Variants in MYO9A observed in about 807,000 individuals in gnomAD.
MYO9A encodes unconventional myosin-IXa.
MYO9A carries 103 observed loss-of-function variants against 293.3 expected under a neutral mutation model. The observed-to-expected ratio is 0.35, with a 90% CI of 0.30 to 0.41. The LOEUF is 0.41. Ranked by LOEUF, MYO9A falls within the 10% of genes least tolerant of loss-of-function variation. The pLI, the probability that MYO9A is intolerant of heterozygous loss-of-function variation, is 1.00. For missense variants in MYO9A, 2,685 were observed against 3,033.0 expected (o/e 0.89, Z 2.69); for synonymous variants, 1,001 against 1,035.7 (o/e 0.97, Z 0.64).
At chr15:72,105,925 T>C (rs2080551163) in intron 1 of MYO9A, among the ~76,000 whole-genome samples, 1 of 152,166 alleles carries the variant, frequency 6.6e-6, no homozygotes, top group Non-Finnish European at 1.5e-5. Flanking sequence ...GGTACATCCG[T>C]ATAATAGAAT....
Position 71,854,384 on chromosome 15 carries a change from T to A in MYO9A, c.6339A>T (p.Leu2113=). 6.3e-7 allele frequency: 1 copy of A among 1,589,254 alleles called. No individual in the cohort carries two copies. The highest frequency in any genetic ancestry group is 8.5e-7 in the Non-Finnish European group (1 of 1,169,620). The change falls in exon 35 of 42, where the codon CTA becomes CTT. Residue 2113 remains leucine, a synonymous_variant. Coordinates refer to ENST00000356056, the MANE Select transcript of MYO9A (RefSeq NM_006901.4). Reference sequence around the variant, plus strand: ...TAGAGGGCACTATCTTACCTGTATCTAGACCCTGCCGAAGCTCCTTGATTT... The same window carrying A: ...TAGAGGGCACTATCTTACCTGTATCAAGACCCTGCCGAAGCTCCTTGATTT... ...TNKIKELRQG[L]DTDAESVNLD... is the part of the protein sequence containing the mutation.
intron 1 of MYO9A, among the ~76,000 whole-genome samples, chr15:72,087,910 T>C (rs1032716124): frequency 6.6e-6 from 1 of 152,180 alleles, no homozygotes; most frequent in Admixed American, 6.5e-5. Context: ...CAATCTGCAA[T>C]GTGAGTGTAT....
At chr15:71,828,148 C>G (rs1259357682) in intron 40 of MYO9A, 122 bp from the exon 41 acceptor site, 23 of 1,130,978 alleles carry the variant, frequency 2.0e-5, no homozygotes, top group Non-Finnish European at 2.9e-5. Flanking sequence ...TTTTACTGTC[C>G]CCATCCAGGT....
chr15:72,088,634 C>T (rs1224804879), intron 1 of MYO9A, among the ~76,000 whole-genome samples: 1 of 152,168 alleles, frequency 6.6e-6, no homozygotes, highest in Non-Finnish European at 1.5e-5. Flanking sequence ...CTTGCTAATA[C>T]TGACATTAGG....
chr15:71,867,812 A>T (rs964578630), intron 32 of MYO9A, among the ~76,000 whole-genome samples: 18 of 143,248 alleles, frequency 1.3e-4, no homozygotes, highest in African/African-American at 4.2e-4. Context: ...ACACACACAC[A>T]CACACACACA....
intron 1 of MYO9A, among the ~76,000 whole-genome samples, chr15:72,091,223 T>C (rs1462798167): frequency 6.6e-6 from 1 of 151,796 alleles, no homozygotes; most frequent in African/African-American, 2.4e-5. Context: ...TCAACTTTCA[T>C]ACCTATTTTA....
At position 71,898,297 on chromosome 15, in the gene MYO9A, A is replaced by G. The variant is rs760087515; in HGVS notation, c.4206T>C (p.Ile1402=). 1.9e-6 allele frequency: 3 copies of G among 1,614,108 alleles called. No individual in the cohort carries two copies. Among genetic ancestry groups the G allele is most frequent in the Non-Finnish European group, 2.5e-6 (3 of 1,180,032 alleles). The change falls in exon 25 of 42, where the codon ATT becomes ATC. Residue 1402 remains isoleucine (I), a synonymous_variant. Coordinates refer to ENST00000356056, the MANE Select transcript of MYO9A (RefSeq NM_006901.4). ...KEMVVCSSES[I]TCKPQLKDSF... is the part of the protein sequence containing the mutation. ...AGTCTTTCAGCTGTGGTTTACAGGT[A>G]ATAGACTCAGAACTGCAGACCACCA...
intron 15 of MYO9A, among the ~76,000 whole-genome samples, chr15:71,945,493 A>G (rs1257890889): frequency 6.6e-6 from 1 of 152,166 alleles, no homozygotes; most frequent in Admixed American, 6.5e-5. Context: ...AAAGCTTGTG[A>G]CATCTAGGAG....
At chr15:71,831,019 ATGACTTTC>A (rs1419538208) in intron 39 of MYO9A, among the ~76,000 whole-genome samples, 2 of 85,446 alleles carry the variant, frequency 2.3e-5, no homozygotes, top group Non-Finnish European at 4.5e-5. Flanking sequence ...TACTTTATAT[ATGACTTTC>A]TTCTGGTAGT....
At chr15:71,956,172 T>C (rs1312949324) in intron 14 of MYO9A, among the ~76,000 whole-genome samples, 1 of 150,974 alleles carries the variant, frequency 6.6e-6, no homozygotes, top group Non-Finnish European at 1.5e-5. Flanking sequence ...AGGCCAGGCA[T>C]GGTGGCATGT....
At chr15:72,072,245 C>T (rs1284924978) in intron 1 of MYO9A, among the ~76,000 whole-genome samples, 2 of 151,910 alleles carry the variant, frequency 1.3e-5, no homozygotes, top group Non-Finnish European at 2.9e-5. Context: ...CATTCTCCTG[C>T]CTCAGCCTCC....
At chr15:72,014,491 G>A (rs1236577455) in intron 6 of MYO9A, among the ~76,000 whole-genome samples, 1 of 152,150 alleles carries the variant, frequency 6.6e-6, no homozygotes, top group East Asian at 1.9e-4. Flanking sequence ...TTCAAGACCA[G>A]CCTGGCCAAC....
intron 37 of MYO9A, among the ~76,000 whole-genome samples, chr15:71,850,712 G>C (rs35696756): frequency 0.075 from 10,239 of 136,816 alleles, 682 homozygotes; most frequent in East Asian, 0.19. Flanking sequence ...GTTGCAGTGA[G>C]CTGAGATTGC....
At chr15:71,883,446 G>T (rs142702122) in intron 28 of MYO9A, 148 bp downstream of exon 28, 9 of 787,318 alleles carry the variant, frequency 1.1e-5, no homozygotes. Flanking sequence ...TTATTTTTTA[G>T]TTAAGGAAGG....
At chr15:72,045,683 A>T (rs1161508972) in intron 2 of MYO9A, 41 bp downstream of exon 2, 1 of 1,522,976 alleles carries the variant, frequency 6.6e-7, no homozygotes. Context: ...AAAGGATAAA[A>T]ATCAAAATTA....
intron 34 of MYO9A, among the ~76,000 whole-genome samples, chr15:71,859,221 G>A (rs2056007350): frequency 1.3e-5 from 2 of 152,142 alleles, no homozygotes; most frequent in Non-Finnish European, 2.9e-5. Context: ...ATCATACATC[G>A]ATAAAAGCCT....
chr15:71,938,475 G>C (rs1029889052), intron 16 of MYO9A, among the ~76,000 whole-genome samples: 2 of 152,058 alleles, frequency 1.3e-5, no homozygotes, highest in Admixed American at 1.3e-4. Context: ...GTATTGGATG[G>C]TTTGATGTAA....
chr15:71,827,039 T>C lies in MYO9A; in HGVS notation c.7188A>G (p.Arg2396=). Residue 2396 remains arginine, a synonymous_variant, in exon 42 of 42, where the codon AGA becomes AGG. Transcript: ENST00000356056. ...TCTTCAGGGAGCTAAGGGCTAAGCT[T>C]CTTTCTAATGCAAAAAAGAGACCAA... ...SEYAISEKSE[R]SLALSSLKTA... The C allele has an allele frequency of 6.4e-7, 1 of 1,563,202 alleles. No homozygotes were observed. Among genetic ancestry groups the C allele is most frequent in the Non-Finnish European group, 8.6e-7 (1 of 1,160,874 alleles).
At chr15:71,979,432 C>A (rs2076219175) in intron 11 of MYO9A, among the ~76,000 whole-genome samples, 1 of 151,968 alleles carries the variant, frequency 6.6e-6, no homozygotes, top group Non-Finnish European at 1.5e-5. Context: ...TTATCTCTTC[C>A]CAAGGACTAT....
Sources: gnomAD v4.1 joint callset for allele counts (sites outside exome capture counted in the v4.1 genomes callset) on GRCh38, gnomAD v4.1.1 for gene constraint, MANE v1.5 for transcripts, NCBI Gene and HGNC (gene_info 2026-07-23, HGNC 2026-07-21) for gene names.